Variants in TBX21 observed in about 807,000 individuals in gnomAD.
TBX21 encodes the protein T-box transcription factor TBX21.
In TBX21, 11 loss-of-function variants were observed where a neutral mutation model predicts 52.2. That is an observed-to-expected ratio of 0.21 (90% CI 0.13 to 0.35). The LOEUF (loss-of-function observed/expected upper bound fraction) is 0.35, where lower values mean the gene tolerates loss of function less well. Ranked by LOEUF, TBX21 falls within the 10% of genes least tolerant of loss-of-function variation. TBX21 has a pLI of 1.00. For synonymous variants in TBX21, 300 were observed against 316.1 expected (o/e 0.95, Z 0.54); for missense variants, 625 against 755.1 (o/e 0.83, Z 2.02).
chr17:47,735,090 A>T (rs1162095754), intron 1 of TBX21, among the ~76,000 whole-genome samples: 1 of 151,934 alleles, frequency 6.6e-6, no homozygotes, highest in Non-Finnish European at 1.5e-5. Flanking sequence ...GGCTGTTGTC[A>T]TTGGTGGACC....
In TBX21 at chr17:47,733,342, C is replaced by T. The variant is rs1307790685; in HGVS notation, c.-113C>T. On this transcript the variant is annotated 5_prime_UTR_variant, in exon 1 of 6. Transcript: ENST00000177694. This position sits in a 1 kb window ranked among gnomAD's most constrained non-coding sequence, Gnocchi z 6.6. ...CCCGGGCTCCGGTGGGGTCCCCCAC[C>T]CGGCCCTCGGGTCCCCCGCCCCCTG... is the stretch of plus-strand genomic sequence containing the variant. 3 of 1,317,410 alleles carry T rather than the reference C, an allele frequency of 2.3e-6. No homozygotes were observed. The highest frequency in any genetic ancestry group is 9.7e-7 in the Non-Finnish European group (1 of 1,030,596). The allele number at this position is 1,317,410 out of a possible 1,614,324, so 81.6% of individuals were successfully genotyped here.
rs1298469967 is a variant in TBX21, at chr17:47,742,701, C to T, written c.583C>T (p.His195Tyr). ...MFVDVVLVDQ[H>Y]HWRYQSGKWV... ...TGTGGACGTGGTCTTGGTGGACCAG[C>T]ACCACTGGCGGTACCAGAGCGGCAA... Residue 195 changes from histidine to tyrosine, a missense_variant, in exon 2 of 6, where the codon CAC becomes TAC. Coordinates refer to ENST00000177694, the MANE Select transcript of TBX21 (RefSeq NM_013351.2). The surrounding 1 kb of genome is among the most constrained non-coding windows in gnomAD (Gnocchi z 4.4). The T allele has an allele frequency of 6.3e-7, 1 of 1,594,828 alleles. No homozygotes were observed. Among genetic ancestry groups the T allele is most frequent in the Non-Finnish European group, 8.5e-7 (1 of 1,171,332 alleles).
intron 1 of TBX21, among the ~76,000 whole-genome samples, chr17:47,735,287 A>G (rs939779202): frequency 1.3e-5 from 2 of 152,134 alleles, no homozygotes; most frequent in African/African-American, 2.4e-5. Flanking sequence ...GCCAGCCACA[A>G]CTGGCTTCAA....
intron 1 of TBX21, among the ~76,000 whole-genome samples, chr17:47,738,353 C>G (rs568872896): frequency 4.0e-5 from 6 of 151,564 alleles, no homozygotes; most frequent in African/African-American, 1.5e-4. Flanking sequence ...GAGATGGGGT[C>G]TCACTATGTT....
At chr17:47,741,359 G>C (rs933646706) in intron 1 of TBX21, among the ~76,000 whole-genome samples, 2 of 152,118 alleles carry the variant, frequency 1.3e-5, no homozygotes, top group African/African-American at 4.8e-5. Context: ...GACGGGGCTA[G>C]TGAAGGTGTT....
intron 1 of TBX21, among the ~76,000 whole-genome samples, chr17:47,741,259 G>A (rs556038421): frequency 4.9e-4 from 74 of 152,002 alleles, no homozygotes; most frequent in African/African-American, 1.7e-3. Flanking sequence ...GATGGTGGAG[G>A]GGGCAGTTGT....
At chr17:47,737,256 G>A (rs2032217384) in intron 1 of TBX21, among the ~76,000 whole-genome samples, 1 of 152,132 alleles carries the variant, frequency 6.6e-6, no homozygotes, top group Non-Finnish European at 1.5e-5. Context: ...GTATATAATA[G>A]TTGATGGTAG....
Position 47,745,486 on chromosome 17 carries a change from TA to T in TBX21, c.*121del. The T allele has an allele frequency of 4.2e-6, 6 of 1,415,244 alleles. No individual in the cohort carries two copies. The highest frequency in any genetic ancestry group is 4.7e-6 in the Non-Finnish European group (5 of 1,064,066). The allele number at this position is 1,415,244 out of a possible 1,614,324, so 87.7% of individuals were successfully genotyped here. A position where few individuals can be genotyped will look rare whatever the true frequency, so the allele number is the denominator to read the frequency against. On this transcript the variant is annotated 3_prime_UTR_variant, in exon 6 of 6. Coordinates refer to ENST00000177694, the MANE Select transcript of TBX21 (RefSeq NM_013351.2). The stretch of plus-strand genomic sequence containing the variant: ...CTCCCTCTGGCCCTTCTCTGTTTAG[TA>T]GTTGGTTGGGGAAGTGGGGCTCAAG...
rs761573139 is a variant in TBX21, at chr17:47,745,678, A to T, written c.*312A>T. On this transcript the variant is annotated 3_prime_UTR_variant, in exon 6 of 6. Coordinates refer to ENST00000177694, the MANE Select transcript of TBX21 (RefSeq NM_013351.2). ...GACAAGAAAGTCTTGGGCATGAAGG[A>T]GCTTTTTGCATCTAGTGGGTGGGAG... is the stretch of plus-strand genomic sequence containing the variant. 2 of 290,044 alleles carry T rather than the reference A, an allele frequency of 6.9e-6. No homozygotes were observed. Among genetic ancestry groups the T allele is most frequent in the East Asian group, 1.4e-4 (2 of 14,572 alleles). 18.0% of individuals were successfully genotyped at this position (290,044 alleles called of 1,614,324 possible). A position where few individuals can be genotyped will look rare whatever the true frequency, so the allele number is the denominator to read the frequency against.
At position 47,745,077 on chromosome 17, in the gene TBX21, C is replaced by T; in HGVS notation, c.1319C>T (p.Pro440Leu). ...AGWPVAPQYP[P>L]KMGPASWFRP... ...TGGCCTGTGGCACCCCAGTACCCTC[C>T]CAAGATGGGCCCGGCCAGCTGGTTC... is the stretch of plus-strand genomic sequence containing the variant. The change falls in exon 6 of 6, where the codon CCC becomes CTC. Residue 440 changes from proline to leucine, a missense_variant. By Grantham distance (98) the Pro-to-Leu change is moderately conservative. Around this residue, in one of 4 missense-constraint regions of TBX21, gnomAD observed 261 missense variants for 275.1 expected, o/e 0.95. Transcript: ENST00000177694. 6.2e-7 allele frequency: 1 copy of T among 1,613,542 alleles called. No individual in the cohort carries two copies. The highest frequency in any genetic ancestry group is 1.1e-5 in the South Asian group (1 of 91,080).
Position 47,744,279 on chromosome 17 carries a change from A to G in TBX21, c.853A>G (p.Asn285Asp). ...CGACGGAGAGCCAGAGGCAGCCTGC[A>G]ACGCTTCCAACACGCATATCTTTAC... The part of the protein sequence containing the change: ...VNDGEPEAAC[N>D]ASNTHIFTFQ... Residue 285 changes from asparagine to aspartate, a missense_variant, in exon 4 of 6, where the codon AAC (asparagine) becomes GAC (aspartate). Physicochemically the swap from Asn to Asp is conservative, Grantham distance 23. Coordinates refer to ENST00000177694, the MANE Select transcript of TBX21 (RefSeq NM_013351.2). The G allele has an allele frequency of 6.2e-7, 1 of 1,614,200 alleles. No homozygotes were observed. The highest frequency in any genetic ancestry group is 8.5e-7 in the Non-Finnish European group (1 of 1,180,036).
rs1194520612 is a variant in TBX21, at chr17:47,733,765, C to T, written c.311C>T (p.Pro104Leu). Residue 104 changes from proline to leucine, a missense_variant, in exon 1 of 6, where the codon CCG (proline) becomes CTG (leucine). Coordinates refer to ENST00000177694, the MANE Select transcript of TBX21 (RefSeq NM_013351.2). The surrounding 1 kb of genome is among the most constrained non-coding windows in gnomAD (Gnocchi z 6.6). ...CCCGCGGACGCCGAGGGCTACCAGC[C>T]GGGCGAGGGCTACGCCGCCCCGGAC... ...PPPADAEGYQPGEGYAAPDPR... is the reference protein window; with the variant it reads ...PPPADAEGYQLGEGYAAPDPR... 3 of 1,489,462 alleles carry T rather than the reference C, an allele frequency of 2.0e-6. No homozygotes were observed. Among genetic ancestry groups the T allele is most frequent in the South Asian group, 1.3e-5 (1 of 77,272 alleles). The allele number at this position is 1,489,462 out of a possible 1,614,324, so 92.3% of individuals were successfully genotyped here.
chr17:47,737,955 A>C (rs112815632), intron 1 of TBX21, among the ~76,000 whole-genome samples: 1 of 151,506 alleles, frequency 6.6e-6, no homozygotes, highest in African/African-American at 2.4e-5. Context: ...AATTTTTTTT[A>C]ATTTATTTTT....
chr17:47,742,564 C>G lies in TBX21; in HGVS notation c.492-46C>G. The stretch of plus-strand genomic sequence containing the variant: ...CACTGTTGCAGGGGGGACTGGCTGT[C>G]AAGCTGGAGCTGATGGGTGCTGGGG... On this transcript the variant is annotated intron_variant, in intron 1 of 5. Transcript: ENST00000177694. This position sits in a 1 kb window ranked among gnomAD's most constrained non-coding sequence, Gnocchi z 4.4. 2 of 1,538,536 alleles carry G rather than the reference C, an allele frequency of 1.3e-6. No homozygotes were observed. The highest frequency in any genetic ancestry group is 1.8e-6 in the Non-Finnish European group (2 of 1,138,596).
At chr17:47,741,261 G>T (rs1335189341) in intron 1 of TBX21, among the ~76,000 whole-genome samples, 1 of 151,946 alleles carries the variant, frequency 6.6e-6, no homozygotes, top group Non-Finnish European at 1.5e-5. Context: ...TGGTGGAGGG[G>T]GCAGTTGTAG....
intron 1 of TBX21, among the ~76,000 whole-genome samples, chr17:47,738,505 A>C (rs1338270592): frequency 2.0e-5 from 3 of 152,208 alleles, no homozygotes; most frequent in Admixed American, 6.5e-5. Context: ...ACACATTGCC[A>C]GAATACCCTC....
At chr17:47,743,568 G>C (rs1007101758) in intron 3 of TBX21, among the ~76,000 whole-genome samples, 1 of 152,126 alleles carries the variant, frequency 6.6e-6, no homozygotes, top group Non-Finnish European at 1.5e-5. Context: ...AGTTTCTCTA[G>C]GTTGAACAAT....
chr17:47,739,680 T>A (rs2143429174), intron 1 of TBX21, among the ~76,000 whole-genome samples: 1 of 151,052 alleles, frequency 6.6e-6, no homozygotes, highest in East Asian at 2.0e-4. Context: ...AATAATGGCG[T>A]GAACCTTGGA....
chr17:47,734,286 G>T (rs1290630592), intron 1 of TBX21, among the ~76,000 whole-genome samples: 1 of 152,138 alleles, frequency 6.6e-6, no homozygotes, highest in African/African-American at 2.4e-5. Context: ...GTCGCAGCGG[G>T]CAGTGAAAGC....
Sources: gnomAD v4.1 joint callset for allele counts (sites outside exome capture counted in the v4.1 genomes callset) on GRCh38, gnomAD v4.1.1 for gene constraint, gnomAD v4.1.1 regional missense constraint, Gnocchi (gnomAD v3.1) non-coding constraint, MANE v1.5 for transcripts, NCBI Gene and HGNC (gene_info 2026-07-23, HGNC 2026-07-21) for gene names.